Variants in RHBDL3 observed in about 807,000 individuals in gnomAD.
RHBDL3 encodes the protein rhomboid-related protein 3.
A neutral mutation model predicts 48.2 loss-of-function variants in RHBDL3; 28 were observed. The observed-to-expected ratio is 0.58, with a 90% CI of 0.43 to 0.80. The LOEUF is 0.80. RHBDL3 is among the 30% of genes least tolerant of loss of function. The probability of loss-of-function intolerance (pLI) is 0.00; values close to 1 mark genes in which losing one functional copy is unlikely to be tolerated. For synonymous variants in RHBDL3, 208 were observed against 232.3 expected (o/e 0.90, Z 0.95); for missense variants, 464 against 542.7 (o/e 0.85, Z 1.44).
Position 32,305,455 on chromosome 17 carries a change from G to A in RHBDL3, c.882+14G>A, listed in dbSNP as rs371133539. 11 of 1,532,052 alleles carry A rather than the reference G, an allele frequency of 7.2e-6. No individual in the cohort carries two copies. The highest frequency in any genetic ancestry group is 2.2e-5 in the East Asian group (1 of 44,460). 94.9% of individuals were successfully genotyped at this position (1,532,052 alleles called of 1,614,324 possible). On this transcript the variant is annotated intron_variant, in intron 7 of 8. Coordinates refer to ENST00000269051, the MANE Select transcript of RHBDL3 (RefSeq NM_138328.3). ...AACATTGTCATGGTGAGCACCTCCCGTTCTCAATGTGTCTTTCTGGCCCTG... is the reference window on the plus strand; with the variant it reads ...AACATTGTCATGGTGAGCACCTCCCATTCTCAATGTGTCTTTCTGGCCCTG...
At chr17:32,298,315 C>G (rs2040503008) in intron 6 of RHBDL3, 111 bp downstream of exon 6, 1 of 644,524 alleles carries the variant, frequency 1.6e-6, no homozygotes, top group Non-Finnish European at 2.7e-6. Flanking sequence ...AGATCCTCAT[C>G]TCCAAGGCTC....
chr17:32,300,554 A>G lies in RHBDL3; in HGVS notation c.781+2350A>G, dbSNP rs540474636. 7.2e-5 allele frequency among the ~76,000 whole-genome samples: 11 copies of G among 152,206 alleles called. No homozygotes were observed. In the South Asian group the frequency reaches 2.1e-3, roughly 29 times the overall value. ...GGGTGACAGAGCAAGAACCTGTCTC[A>G]AAAAAGAAAAAAAGAAAAAAACCAA... On this transcript the variant is annotated intron_variant, in intron 6 of 8. Coordinates refer to ENST00000269051, the MANE Select transcript of RHBDL3 (RefSeq NM_138328.3).
At chr17:32,276,785 G>A (rs188917714) in intron 2 of RHBDL3, among the ~76,000 whole-genome samples, 4,371 of 71,452 alleles carry the variant, frequency 0.061, 217 homozygotes, top group Non-Finnish European at 0.068. Flanking sequence ...ACCTTACTCC[G>A]GCCCTAGCAC....
At chr17:32,270,856 A>C (rs2039755576) in intron 2 of RHBDL3, among the ~76,000 whole-genome samples, 1 of 152,158 alleles carries the variant, frequency 6.6e-6, no homozygotes, top group Non-Finnish European at 1.5e-5. Context: ...TAGATTTAAA[A>C]TTTACCATAA....
At chr17:32,267,279 C>T (rs921020961) in intron 1 of RHBDL3, among the ~76,000 whole-genome samples, 3 of 152,134 alleles carry the variant, frequency 2.0e-5, no homozygotes, top group African/African-American at 7.2e-5. Context: ...CTGATGTAGT[C>T]ACCACTTAGA....
At chr17:32,310,339 T>C (rs959575373) in intron 7 of RHBDL3, among the ~76,000 whole-genome samples, 1 of 150,734 alleles carries the variant, frequency 6.6e-6, no homozygotes, top group Non-Finnish European at 1.5e-5. Flanking sequence ...CCCTGCACTT[T>C]GGGAGGCCGA....
chr17:32,280,435 A>T (rs1448992714), intron 2 of RHBDL3: 3 of 152,204 alleles, frequency 2.0e-5, no homozygotes, highest in African/African-American at 7.2e-5. Flanking sequence ...AAAGCTCCAA[A>T]CCACAGTTTG....
chr17:32,275,183 C>G (rs547954764), intron 2 of RHBDL3, among the ~76,000 whole-genome samples: 2 of 152,324 alleles, frequency 1.3e-5, no homozygotes. Context: ...TCACTCCCCA[C>G]TCCCTGCCTG....
At chr17:32,282,032 C>T (rs2150704058) in intron 2 of RHBDL3, among the ~76,000 whole-genome samples, 1 of 152,342 alleles carries the variant, frequency 6.6e-6, no homozygotes, top group Admixed American at 6.5e-5. Flanking sequence ...AATATGGGGA[C>T]ATGGATAGGA....
chr17:32,267,693 C>A, intron 1 of RHBDL3: 18 of 458,210 alleles, frequency 3.9e-5, no homozygotes, highest in East Asian at 1.2e-4. Flanking sequence ...CTGTGAGTTT[C>A]CTCCCTCTGC....
chr17:32,297,314 A>G (rs184974132), intron 5 of RHBDL3, among the ~76,000 whole-genome samples: 151 of 152,202 alleles, frequency 9.9e-4, no homozygotes, highest in South Asian at 9.3e-3. Flanking sequence ...CTAAAAATAC[A>G]AAAATTAGCC....
At chr17:32,267,820 A>G in intron 1 of RHBDL3, 82 bp from the exon 2 acceptor site, 1 of 1,609,642 alleles carries the variant, frequency 6.2e-7, no homozygotes, top group Non-Finnish European at 8.5e-7. Flanking sequence ...GAAACATCCG[A>G]GGACTACAGA....
intron 7 of RHBDL3, among the ~76,000 whole-genome samples, chr17:32,306,765 A>G (rs1185553538): frequency 1.3e-5 from 2 of 152,130 alleles, no homozygotes; most frequent in African/African-American, 2.4e-5. Context: ...TATAAAAAAT[A>G]CAAAAATTAG....
chr17:32,304,683 G>C (rs1012360044), intron 6 of RHBDL3, among the ~76,000 whole-genome samples: 15 of 152,208 alleles, frequency 9.9e-5, no homozygotes, highest in African/African-American at 3.6e-4. Flanking sequence ...CCAGAACCCT[G>C]ACATAGCACC....
At chr17:32,290,041 ATT>A (rs896276524) in intron 4 of RHBDL3, among the ~76,000 whole-genome samples, 1 of 152,164 alleles carries the variant, frequency 6.6e-6, no homozygotes, top group African/African-American at 2.4e-5. Flanking sequence ...GTGCTGGTCT[ATT>A]TATTAACTTC....
In RHBDL3 at chr17:32,265,858, A is replaced by T. The variant is rs1468718355; in HGVS notation, c.-332A>T. ...CAGAGCGGGGGCCGCGAGAAGCGGGAAGGGAGCGCGGGGAGCGGCGGGGCC... is the reference window on the plus strand; with the variant it reads ...CAGAGCGGGGGCCGCGAGAAGCGGGTAGGGAGCGCGGGGAGCGGCGGGGCC... On this transcript the variant is annotated 5_prime_UTR_variant, in exon 1 of 9. Transcript: ENST00000269051. Among the ~76,000 whole-genome samples the T allele has an allele frequency of 6.8e-6, 1 of 146,614 alleles. No individual in the cohort carries two copies. Among genetic ancestry groups the T allele is most frequent in the Non-Finnish European group, 1.5e-5 (1 of 65,928 alleles).
intron 6 of RHBDL3, among the ~76,000 whole-genome samples, chr17:32,303,803 G>C (rs1452500186): frequency 1.3e-5 from 2 of 152,174 alleles, no homozygotes; most frequent in East Asian, 3.9e-4. Context: ...TCTGCTGCCA[G>C]GTCCTTGGGT....
chr17:32,281,901 C>T (rs146350930), intron 2 of RHBDL3, among the ~76,000 whole-genome samples: 1 of 152,336 alleles, frequency 6.6e-6, no homozygotes, highest in Non-Finnish European at 1.5e-5. Context: ...TCAGTGGCAC[C>T]TGGCCATGGC....
At chr17:32,296,075 A>C (rs1425946458) in intron 5 of RHBDL3, among the ~76,000 whole-genome samples, 1 of 151,678 alleles carries the variant, frequency 6.6e-6, no homozygotes, top group Non-Finnish European at 1.5e-5. Flanking sequence ...AAAATACAAA[A>C]AAATTAGCCA....
Sources: allele counts gnomAD v4.1 joint callset (sites outside exome capture counted in the v4.1 genomes callset), GRCh38; gene constraint gnomAD v4.1.1; transcripts MANE v1.5; gene names NCBI Gene and HGNC (gene_info 2026-07-23, HGNC 2026-07-21).